NIM1K: variants seen among roughly 807,000 people sequenced by gnomAD.
NIM1K encodes NIM1 serine/threonine protein kinase.
NIM1K carries 35 observed loss-of-function variants against 37.1 expected under a neutral mutation model. That is an observed-to-expected ratio of 0.94 (90% confidence interval 0.72 to 1.25). The LOEUF (loss-of-function observed/expected upper bound fraction) is 1.25, where lower values mean the gene tolerates loss of function less well. NIM1K is among the 50% of genes most tolerant of loss of function. The pLI, the probability that NIM1K is intolerant of heterozygous loss-of-function variation, is 0.00. For synonymous variants in NIM1K, 234 were observed against 206.6 expected, an observed-to-expected ratio of 1.13 and a Z score of -1.14; for missense variants, 564 against 548.0, an observed-to-expected ratio of 1.03 and a Z score of -0.29.
At chr5:43,233,054 T>A (rs1269183511) in intron 1 of NIM1K, 1 of 1,314,574 alleles carries the variant, frequency 7.6e-7, no homozygotes, top group Non-Finnish European at 1.1e-6. Flanking sequence ...CCCCGAGTGG[T>A]CTTGTCACTT....
At chr5:43,259,918 T>C (rs1400287991) in intron 2 of NIM1K, among the ~76,000 whole-genome samples, 1 of 152,178 alleles carries the variant, frequency 6.6e-6, no homozygotes, top group Non-Finnish European at 1.5e-5. Context: ...TGGTTTCAGG[T>C]CTTAGATTTA....
At chr5:43,255,833 A>C (rs1002893901) in intron 2 of NIM1K, among the ~76,000 whole-genome samples, 2 of 151,590 alleles carry the variant, frequency 1.3e-5, no homozygotes, top group Non-Finnish European at 2.9e-5. Context: ...TAAGTTGGCC[A>C]GGACAGCCTT....
intron 2 of NIM1K, among the ~76,000 whole-genome samples, chr5:43,246,299 G>C (rs906085895): frequency 1.3e-5 from 2 of 152,186 alleles, no homozygotes; most frequent in Non-Finnish European, 2.9e-5. Flanking sequence ...ATCCAAAGAA[G>C]GCAAATGTGT....
rs954121028 is a variant in NIM1K at position 43,240,904 on chromosome 5, C to T, written c.-694-4178C>T. Among the ~76,000 whole-genome samples, 8 of 152,058 alleles carry T rather than the reference C, an allele frequency of 5.3e-5. No homozygotes were observed. The East Asian group carries it at 1.4e-3, about 26-fold the overall frequency. ...ACCTCTTAACAGTATATCTTGGATA[C>T]TGTAACTCATTCTTTTTCACATCCA... On this transcript the variant is annotated intron_variant, in intron 1 of 3. Transcript: ENST00000326035.
intron 2 of NIM1K, among the ~76,000 whole-genome samples, chr5:43,266,404 G>A (rs534345260): frequency 8.5e-5 from 13 of 152,338 alleles, no homozygotes; most frequent in East Asian, 1.9e-4. Flanking sequence ...CTCCATGGGC[G>A]TGGGACCCTC....
chr5:43,266,593 G>A (rs556665279), intron 2 of NIM1K, among the ~76,000 whole-genome samples: 8 of 152,172 alleles, frequency 5.3e-5, no homozygotes, highest in Admixed American at 4.6e-4. Context: ...CCCTGCCCTA[G>A]TTCAGCTCAC....
At chr5:43,252,872 C>T (rs1055374603) in intron 2 of NIM1K, among the ~76,000 whole-genome samples, 5 of 151,766 alleles carry the variant, frequency 3.3e-5, no homozygotes, top group African/African-American at 7.3e-5. Flanking sequence ...TGCTGCCCTT[C>T]TGACTTCTTC....
rs146010133 is a variant in NIM1K at position 43,203,459 on chromosome 5, G to A, written c.-695+11048G>A. Reference sequence around the variant, plus strand: ...GCAAACGTTGAACTGTGACGAATCCGGCTGTTTTTGTACCTCACTTCCATT... The same window carrying A: ...GCAAACGTTGAACTGTGACGAATCCAGCTGTTTTTGTACCTCACTTCCATT... On this transcript the variant is annotated intron_variant, in intron 1 of 3. Coordinates refer to ENST00000326035, the MANE Select transcript of NIM1K (RefSeq NM_153361.4). 6.4e-3 allele frequency among the ~76,000 whole-genome samples: 981 copies of A among 152,246 alleles called. 8 individuals are homozygous for A. Among genetic ancestry groups the A allele is most frequent in the African/African-American group, 0.023 (942 of 41,556 alleles).
chr5:43,198,210 T>TC (rs1186228297), intron 1 of NIM1K, among the ~76,000 whole-genome samples: 2 of 82,334 alleles, frequency 2.4e-5, no homozygotes, highest in African/African-American at 1.0e-4. Flanking sequence ...TTTCTTTCTC[T>TC]TTCTTTCTTT....
intron 2 of NIM1K, among the ~76,000 whole-genome samples, chr5:43,262,417 T>C (rs1753045314): frequency 6.6e-6 from 1 of 152,210 alleles, no homozygotes. Context: ...CTTTGTCTGT[T>C]ATTGGTAGAG....
chr5:43,208,622 A>G (rs1176005267), intron 1 of NIM1K, among the ~76,000 whole-genome samples: 2 of 152,094 alleles, frequency 1.3e-5, no homozygotes, highest in African/African-American at 2.4e-5. Flanking sequence ...AAAAAAAAAG[A>G]AAAAAGAAAA....
intron 2 of NIM1K, among the ~76,000 whole-genome samples, chr5:43,273,092 C>T (rs935721725): frequency 1.3e-5 from 2 of 152,202 alleles, no homozygotes; most frequent in African/African-American, 2.4e-5. Context: ...TCTCCCCTTG[C>T]ACCACATAGA....
chr5:43,201,668 G>T (rs533850110), intron 1 of NIM1K, among the ~76,000 whole-genome samples: 1 of 151,790 alleles, frequency 6.6e-6, no homozygotes, highest in Non-Finnish European at 1.5e-5. Flanking sequence ...TGAGAAGAAA[G>T]ATATTTTTCT....
At chr5:43,257,770 T>G (rs1424905915) in intron 2 of NIM1K, among the ~76,000 whole-genome samples, 3 of 151,834 alleles carry the variant, frequency 2.0e-5, no homozygotes, top group Non-Finnish European at 2.9e-5. Flanking sequence ...CTTTTTTTTT[T>G]TTTTTAAGCC....
chr5:43,268,740 T>A (rs1753207485), intron 2 of NIM1K, among the ~76,000 whole-genome samples: 1 of 152,046 alleles, frequency 6.6e-6, no homozygotes, highest in Non-Finnish European at 1.5e-5. Context: ...GGTTTCTCAT[T>A]AGCTTTACAA....
rs1167448720 is a variant in NIM1K, at chr5:43,280,686, A to T, written c.1268A>T (p.Tyr423Phe). Residue 423 changes from tyrosine to phenylalanine, a missense_variant, in exon 4 of 4, where the codon TAC becomes TTC. Coordinates refer to ENST00000326035, the MANE Select transcript of NIM1K (RefSeq NM_153361.4). Reference protein sequence around the residue: ...ERDLKKGSRVYRGIRHTSKFC... With the variant: ...ERDLKKGSRVFRGIRHTSKFC... ...GACCTCAAAAAAGGGTCCCGTGTCT[A>T]CAGAGGGATAAGACACACATCCAAA... The T allele has an allele frequency of 6.2e-7, 1 of 1,611,294 alleles. No individual in the cohort carries two copies. The highest frequency in any genetic ancestry group is 8.5e-7 in the Non-Finnish European group (1 of 1,179,344).
At chr5:43,226,516 TG>T (rs1740803698) in intron 1 of NIM1K, among the ~76,000 whole-genome samples, 1 of 152,210 alleles carries the variant, frequency 6.6e-6, no homozygotes, top group Non-Finnish European at 1.5e-5. Context: ...TTTACCAATA[TG>T]GGGAAAACCG....
intron 2 of NIM1K, among the ~76,000 whole-genome samples, chr5:43,268,867 A>T (rs1579610895): frequency 6.6e-6 from 1 of 152,232 alleles, no homozygotes; most frequent in East Asian, 1.9e-4. Flanking sequence ...TAAAGGCAAG[A>T]GGGAGGTTGG....
Position 43,271,805 on chromosome 5 carries a change from CT to C in NIM1K, c.293-5250del, listed in dbSNP as rs144750910. Among the ~76,000 whole-genome samples, 1,497 of 152,314 alleles carry C rather than the reference CT, an allele frequency of 9.8e-3. 23 individuals are homozygous for C. The highest frequency in any genetic ancestry group is 0.032 in the African/African-American group (1,347 of 41,560). On this transcript the variant is annotated intron_variant, in intron 2 of 3. Transcript: ENST00000326035. ...TATCACAAGGGCCCTTCAAGTGGCTCTTCTGTAGCCACCTCCTAACCCCCTA... is the reference window on the plus strand; with the variant it reads ...TATCACAAGGGCCCTTCAAGTGGCTCTCTGTAGCCACCTCCTAACCCCCTA...
Sources: gnomAD v4.1 joint callset for allele counts (sites outside exome capture counted in the v4.1 genomes callset) on GRCh38, gnomAD v4.1.1 for gene constraint, MANE v1.5 for transcripts, NCBI Gene and HGNC (gene_info 2026-07-23, HGNC 2026-07-21) for gene names.